Variants in CTNNA3 observed in about 807,000 individuals in gnomAD.
CTNNA3 encodes catenin alpha 3.
In CTNNA3, 76 loss-of-function variants were observed where a neutral mutation model predicts 95.7. That is an observed-to-expected ratio of 0.79 (90% CI 0.66 to 0.96). The LOEUF (loss-of-function observed/expected upper bound fraction) is 0.96. Among genes scored for constraint, CTNNA3 ranks in the 40% least tolerant of loss-of-function variants. CTNNA3 has a pLI of 0.00. For missense variants in CTNNA3, 1,191 were observed against 1,089.8 expected (o/e 1.09, Z -1.31); for synonymous variants, 431 against 374.4 (o/e 1.15, Z -1.74).
chr10:67,698,348 CCAAA>C (rs1215139905), upstream of CTNNA3, among the ~76,000 whole-genome samples: 2 of 147,606 alleles, frequency 1.4e-5, no homozygotes, highest in Admixed American at 1.3e-4. Flanking sequence ...AGGACCGGCC[CCAAA>C]CAAAGTCATT....
intron 11 of CTNNA3, among the ~76,000 whole-genome samples, chr10:66,431,371 T>C (rs957234063): frequency 8.5e-5 from 13 of 152,178 alleles, no homozygotes; most frequent in East Asian, 1.9e-4. Flanking sequence ...GGAAATATCA[T>C]TTGGCCCAGC....
At chr10:66,264,545 C>A (rs1433599868) in intron 13 of CTNNA3, among the ~76,000 whole-genome samples, 1 of 151,830 alleles carries the variant, frequency 6.6e-6, no homozygotes, top group Non-Finnish European at 1.5e-5. Context: ...ATTAATTTGA[C>A]ATGTAAAATA....
chr10:67,444,524 G>A (rs1007922643), intron 5 of CTNNA3, among the ~76,000 whole-genome samples: 1 of 151,834 alleles, frequency 6.6e-6, no homozygotes, highest in Non-Finnish European at 1.5e-5. Flanking sequence ...AAAATTAGTA[G>A]AAGAAAATAA....
intron 7 of CTNNA3, among the ~76,000 whole-genome samples, chr10:66,868,554 C>T (rs1446561056): frequency 6.6e-6 from 1 of 151,538 alleles, no homozygotes; most frequent in East Asian, 2.0e-4. Context: ...AGTTCGAGAC[C>T]AGCATGGCCA....
rs577526023 is a variant in CTNNA3 at position 66,426,535 on chromosome 10, A to G, written c.1532-47183T>C. 7.9e-5 allele frequency among the ~76,000 whole-genome samples: 12 copies of G among 152,196 alleles called. No individual in the cohort carries two copies. The East Asian group carries it at 1.7e-3, about 22-fold the overall frequency. On this transcript the variant is annotated intron_variant, in intron 11 of 17. Transcript: ENST00000433211. ...ACTCTTAAAGGATAGCTTAGCTACA[A>G]GTACATTTCTAGGCTGGTAGTGATT...
chr10:67,208,409 C>T (rs1424807553), intron 6 of CTNNA3, among the ~76,000 whole-genome samples: 1 of 147,272 alleles, frequency 6.8e-6, no homozygotes, highest in African/African-American at 2.5e-5. Context: ...CCACAGAAAA[C>T]ACCACTGGTA....
chr10:66,747,750 G>A lies in CTNNA3; in HGVS notation c.1281+18514C>T, dbSNP rs183447168. ...GCCTGTGATGAATAACTACTCTGGTGTGGGCTGTTCTGCTCCAGTTCTTAG... is the reference window on the plus strand; with the variant it reads ...GCCTGTGATGAATAACTACTCTGGTATGGGCTGTTCTGCTCCAGTTCTTAG... On this transcript the variant is annotated intron_variant, in intron 9 of 17. Coordinates refer to ENST00000433211, the MANE Select transcript of CTNNA3 (RefSeq NM_013266.4). 3.8e-3 allele frequency among the ~76,000 whole-genome samples: 585 copies of A among 152,296 alleles called. 3 individuals carry two copies. Among genetic ancestry groups the A allele is most frequent in the African/African-American group, 0.013 (545 of 41,564 alleles).
At chr10:66,958,028 G>A (rs898062259) in intron 7 of CTNNA3, among the ~76,000 whole-genome samples, 2 of 151,950 alleles carry the variant, frequency 1.3e-5, no homozygotes, top group African/African-American at 2.4e-5. Context: ...TAGAACTAGA[G>A]GGGCCAAAAG....
At chr10:66,998,345 T>C (rs1053290923) in intron 7 of CTNNA3, among the ~76,000 whole-genome samples, 1 of 152,168 alleles carries the variant, frequency 6.6e-6, no homozygotes, top group Non-Finnish European at 1.5e-5. Context: ...AGAACAATAT[T>C]TTTTAAAGCA....
At chr10:67,743,449 C>T (rs1841354736) in intron 1 of CTNNA3, among the ~76,000 whole-genome samples, 1 of 151,268 alleles carries the variant, frequency 6.6e-6, no homozygotes, top group Non-Finnish European at 1.5e-5. Flanking sequence ...CAAAATTCAA[C>T]AACGCTTCAT....
chr10:66,271,773 G>A (rs533325503), intron 13 of CTNNA3, among the ~76,000 whole-genome samples: 1 of 152,302 alleles, frequency 6.6e-6, no homozygotes, highest in South Asian at 2.1e-4. Context: ...TCCCCTGCCA[G>A]TCCAGTGGTG....
chr10:67,733,197 A>C (rs1841285614), intron 1 of CTNNA3, among the ~76,000 whole-genome samples: 1 of 152,206 alleles, frequency 6.6e-6, no homozygotes, highest in Non-Finnish European at 1.5e-5. Flanking sequence ...TTTTAATTAA[A>C]AATTAATATT....
chr10:67,004,578 C>T (rs956930555), intron 7 of CTNNA3, among the ~76,000 whole-genome samples: 2 of 152,032 alleles, frequency 1.3e-5, no homozygotes, highest in South Asian at 4.1e-4. Flanking sequence ...ATCATTATTG[C>T]CTGTAACCTT....
At chr10:66,484,042 T>C (rs965152582) in intron 11 of CTNNA3, among the ~76,000 whole-genome samples, 11 of 152,130 alleles carry the variant, frequency 7.2e-5, no homozygotes, top group Non-Finnish European at 1.3e-4. Context: ...AATATTACTC[T>C]ATTTTCCTTG....
At chr10:67,474,396 C>T (rs1847932216) in intron 5 of CTNNA3, among the ~76,000 whole-genome samples, 1 of 152,144 alleles carries the variant, frequency 6.6e-6, no homozygotes, top group Non-Finnish European at 1.5e-5. Context: ...TGTGTGTACA[C>T]AGAGGAAAAA....
At chr10:67,128,459 C>T (rs1056882580) in intron 7 of CTNNA3, among the ~76,000 whole-genome samples, 3 of 151,292 alleles carry the variant, frequency 2.0e-5, no homozygotes, top group African/African-American at 7.3e-5. Flanking sequence ...AAAGAATAAC[C>T]ATGAAATATT....
intron 13 of CTNNA3, among the ~76,000 whole-genome samples, chr10:66,219,737 AC>A (rs1237819753): frequency 6.6e-6 from 1 of 152,142 alleles, no homozygotes; most frequent in Admixed American, 6.6e-5. Context: ...ATCCACAGAA[AC>A]TTTTGGATAA....
At chr10:65,977,711 G>A (rs755797239) in intron 16 of CTNNA3, among the ~76,000 whole-genome samples, 7 of 152,030 alleles carry the variant, frequency 4.6e-5, no homozygotes, top group Non-Finnish European at 7.4e-5. Flanking sequence ...GAACCTGGGA[G>A]GCGGAGGTGC....
chr10:66,668,850 C>CTA lies in CTNNA3; in HGVS notation c.1282-47068_1282-47067dup, dbSNP rs564544906. Among the ~76,000 whole-genome samples, 107 of 151,094 alleles carry CTA rather than the reference C, an allele frequency of 7.1e-4. No individual in the cohort carries two copies. The South Asian group carries it at 7.1e-3, about 10-fold the overall frequency. ...TAATAAAATATCTCACATATATATT[C>CTA]TATATATATATATCTCATTGTGCAA... On this transcript the variant is annotated intron_variant, in intron 9 of 17. Transcript: ENST00000433211.
Sources: gnomAD v4.1 joint callset for allele counts (sites outside exome capture counted in the v4.1 genomes callset) on GRCh38, gnomAD v4.1.1 for gene constraint, MANE v1.5 for transcripts, NCBI Gene and HGNC (gene_info 2026-07-23, HGNC 2026-07-21) for gene names.